Variants in PLSCR4 observed in about 807,000 individuals in gnomAD.
The protein encoded by PLSCR4 is phospholipid scramblase 4.
In PLSCR4, 25 loss-of-function variants were observed where a neutral mutation model predicts 36.3. The ratio of observed to expected loss-of-function variants is 0.69; its 90% CI spans 0.50 to 0.96. The LOEUF (loss-of-function observed/expected upper bound fraction) is 0.96. Ranked by LOEUF, PLSCR4 falls within the 40% of genes least tolerant of loss-of-function variation. The pLI is 0.00. For synonymous variants in PLSCR4, 122 were observed against 132.9 expected (o/e 0.92, Z 0.56); for missense variants, 408 against 414.7 (o/e 0.98, Z 0.14).
chr3:146,222,760 G>A (rs189793674), intron 1 of PLSCR4, among the ~76,000 whole-genome samples: 3 of 152,276 alleles, frequency 2.0e-5, no homozygotes, highest in African/African-American at 7.2e-5. Flanking sequence ...GGATTCAGTC[G>A]GTGGAGTGAT....
At chr3:146,249,099 T>C (rs1442888512) in intron 1 of PLSCR4, among the ~76,000 whole-genome samples, 1 of 151,534 alleles carries the variant, frequency 6.6e-6, no homozygotes, top group African/African-American at 2.4e-5. Context: ...CAAAATTATC[T>C]TTTTTTTTCT....
intron 3 of PLSCR4, among the ~76,000 whole-genome samples, chr3:146,215,496 G>C (rs1336647762): frequency 6.6e-6 from 1 of 152,020 alleles, no homozygotes; most frequent in Non-Finnish European, 1.5e-5. Context: ...GTAAATTCTT[G>C]TTTTTACTAT....
intron 3 of PLSCR4, among the ~76,000 whole-genome samples, chr3:146,208,972 C>T (rs954263323): frequency 1.3e-5 from 2 of 151,998 alleles, no homozygotes; most frequent in African/African-American, 4.8e-5. Context: ...TTTATAGCAG[C>T]GCAATTCACT....
chr3:146,231,867 C>A (rs1195409025), intron 1 of PLSCR4, among the ~76,000 whole-genome samples: 1 of 152,048 alleles, frequency 6.6e-6, no homozygotes, highest in African/African-American at 2.4e-5. Flanking sequence ...TAATTAGGTG[C>A]CACTTGTCTA....
In PLSCR4 at chr3:146,216,347, GTC is replaced by G. The variant is rs1295938185; in HGVS notation, c.118+4466_118+4467del. Among the ~76,000 whole-genome samples the G allele has an allele frequency of 6.7e-4, 102 of 152,158 alleles. 1 individual carries two copies. The highest frequency in any genetic ancestry group is 6.5e-3 in the Admixed American group (100 of 15,288). ...TAAATGTGATAAGGTGGAGATTATG[GTC>G]TCTCTCAGAGCCCCCAAATAACTGG... On this transcript the variant is annotated intron_variant, in intron 3 of 8. Coordinates refer to ENST00000354952, the MANE Select transcript of PLSCR4 (RefSeq NM_020353.3).
intron 1 of PLSCR4, 56 bp from the exon 2 acceptor site, chr3:146,222,148 C>G (rs2035186765): frequency 1.7e-6 from 1 of 605,146 alleles, no homozygotes; most frequent in African/African-American, 1.9e-5. Flanking sequence ...AATAGTATTG[C>G]TACTCAGTAA....
At chr3:146,242,186 C>G (rs953986689) in intron 1 of PLSCR4, among the ~76,000 whole-genome samples, 1 of 152,150 alleles carries the variant, frequency 6.6e-6, no homozygotes, top group Non-Finnish European at 1.5e-5. Context: ...ATGAATACTG[C>G]CTGCCCATGT....
intron 2 of PLSCR4, among the ~76,000 whole-genome samples, chr3:146,221,560 A>G (rs942030396): frequency 1.3e-4 from 20 of 148,512 alleles, no homozygotes; most frequent in Admixed American, 1.3e-3. Flanking sequence ...TTAGAGACTA[A>G]TTTCTCTCTC....
chr3:146,195,946 T>C (rs2033713466), intron 7 of PLSCR4, among the ~76,000 whole-genome samples: 1 of 152,172 alleles, frequency 6.6e-6, no homozygotes, highest in Non-Finnish European at 1.5e-5. Context: ...AGGAAACATA[T>C]GAGCAAGCAG....
chr3:146,224,887 G>A (rs1230378394), intron 1 of PLSCR4, among the ~76,000 whole-genome samples: 2 of 143,988 alleles, frequency 1.4e-5, no homozygotes, highest in African/African-American at 4.9e-5. Context: ...GGTTCTCCAC[G>A]TCCCCATCAG....
rs551836131 is a variant in PLSCR4 at position 146,207,802 on chromosome 3, C to A, written c.119-1041G>T. 3.3e-5 allele frequency among the ~76,000 whole-genome samples: 5 copies of A among 152,196 alleles called. 1 individual carries two copies. The highest frequency in any genetic ancestry group is 9.6e-5 in the African/African-American group (4 of 41,534). ...ATGAATTATCTTTGTCATTATAAGT[C>A]CATCAAGGAACCTAGATTTCCTTAA... On this transcript the variant is annotated intron_variant, in intron 3 of 8. Coordinates refer to ENST00000354952, the MANE Select transcript of PLSCR4 (RefSeq NM_020353.3).
intron 1 of PLSCR4, among the ~76,000 whole-genome samples, chr3:146,241,987 T>A (rs2036168667): frequency 6.6e-6 from 1 of 152,114 alleles, no homozygotes; most frequent in Non-Finnish European, 1.5e-5. Context: ...TGATTTGAGG[T>A]TGTATTCTTG....
chr3:146,206,820 T>A, intron 3 of PLSCR4, 59 bp from the exon 4 acceptor site: 1 of 1,049,810 alleles, frequency 9.5e-7, no homozygotes, highest in African/African-American at 1.6e-5. Flanking sequence ...AGCATAACTT[T>A]TTACATGCGA....
At chr3:146,210,863 T>G (rs1225899268) in intron 3 of PLSCR4, among the ~76,000 whole-genome samples, 1 of 151,952 alleles carries the variant, frequency 6.6e-6, no homozygotes, top group Non-Finnish European at 1.5e-5. Flanking sequence ...TTTTTTACAC[T>G]TGGCATGTTT....
chr3:146,224,050 T>G (rs1331630821), intron 1 of PLSCR4, among the ~76,000 whole-genome samples: 1 of 151,708 alleles, frequency 6.6e-6, no homozygotes, highest in Admixed American at 6.6e-5. Context: ...TTAGTCATAT[T>G]CCTTAATGAT....
intron 1 of PLSCR4, among the ~76,000 whole-genome samples, chr3:146,222,861 A>G (rs897075310): frequency 1.3e-5 from 2 of 152,162 alleles, no homozygotes; most frequent in African/African-American, 4.8e-5. Flanking sequence ...AGCTGACACC[A>G]GCTTAGATGG....
At chr3:146,248,110 C>A (rs1232504072) in intron 1 of PLSCR4, among the ~76,000 whole-genome samples, 1 of 151,926 alleles carries the variant, frequency 6.6e-6, no homozygotes, top group Non-Finnish European at 1.5e-5. Flanking sequence ...TTGTGAAATC[C>A]CTCAAGCAAA....
At chr3:146,217,385 C>T (rs1309916412) in intron 3 of PLSCR4, among the ~76,000 whole-genome samples, 1 of 152,204 alleles carries the variant, frequency 6.6e-6, no homozygotes, top group East Asian at 1.9e-4. Flanking sequence ...AGGCTCACTA[C>T]TGCAGGACGA....
At chr3:146,229,592 C>CATTTATTT (rs202235802) in intron 1 of PLSCR4, among the ~76,000 whole-genome samples, 2 of 57,316 alleles carry the variant, frequency 3.5e-5, no homozygotes. Flanking sequence ...TTTTATTTTT[C>CATTTATTT]ATTTATTTAT....
Sources: allele counts gnomAD v4.1 joint callset (sites outside exome capture counted in the v4.1 genomes callset), GRCh38; gene constraint gnomAD v4.1.1; transcripts MANE v1.5; gene names NCBI Gene and HGNC (gene_info 2026-07-23, HGNC 2026-07-21).